NETO1: variants seen among roughly 807,000 people sequenced by gnomAD.
NETO1 encodes the protein neuropilin and tolloid like 1.
NETO1 carries 26 observed loss-of-function variants against 61.3 expected under a neutral mutation model. That is an observed-to-expected ratio of 0.42 (90% CI 0.31 to 0.59). The LOEUF (loss-of-function observed/expected upper bound fraction) is 0.59. Among genes scored for constraint, NETO1 ranks in the 20% least tolerant of loss-of-function variants. NETO1 has a pLI of 0.12. For synonymous variants in NETO1, 225 were observed against 225.8 expected (o/e 1.00, Z 0.03); for missense variants, 531 against 662.8 (o/e 0.80, Z 2.18).
intron 4 of NETO1, among the ~76,000 whole-genome samples, chr18:72,850,730 T>G (rs1302353426): frequency 2.0e-5 from 3 of 152,210 alleles, no homozygotes; most frequent in African/African-American, 7.2e-5. Flanking sequence ...ATTTATTTGT[T>G]TTGTTTTTGT....
chr18:72,832,361 T>C (rs1359460607), intron 4 of NETO1, among the ~76,000 whole-genome samples: 3 of 152,162 alleles, frequency 2.0e-5, no homozygotes, highest in Non-Finnish European at 4.4e-5. Context: ...AGGTCTGAAA[T>C]TAGAGAAAGG....
rs1271140364 is a variant in NETO1, at chr18:72,814,678, A to G, written c.470-20274T>C. Among the ~76,000 whole-genome samples, 7 of 152,224 alleles carry G rather than the reference A, an allele frequency of 4.6e-5. No individual in the cohort carries two copies. In the East Asian group the frequency reaches 1.3e-3, roughly 29 times the overall value. On this transcript the variant is annotated intron_variant, in intron 4 of 10. Coordinates refer to ENST00000327305, the MANE Select transcript of NETO1 (RefSeq NM_138966.5). Reference sequence around the variant, plus strand: ...TGTTTAAAATGTTAGGAAAAGAATTATGCAAATTCAAAACCAAAGAGATCT... The same window carrying G: ...TGTTTAAAATGTTAGGAAAAGAATTGTGCAAATTCAAAACCAAAGAGATCT...
chr18:72,867,200 C>T (rs2074766580), intron 1 of NETO1, 64 bp downstream of exon 1: 6 of 1,303,772 alleles, frequency 4.6e-6, no homozygotes, highest in Non-Finnish European at 6.3e-6. Context: ...GCGCGTTCGG[C>T]CCCGGGAAAG....
intron 3 of NETO1, among the ~76,000 whole-genome samples, chr18:72,860,574 C>G (rs1056820084): frequency 2.0e-5 from 3 of 152,148 alleles, no homozygotes; most frequent in Non-Finnish European, 4.4e-5. Flanking sequence ...TATGAATAAT[C>G]TTTAATTTCT....
At position 72,830,280 on chromosome 18, in the gene NETO1, A is replaced by C. The variant is rs957479256; in HGVS notation, c.469+28546T>G. On this transcript the variant is annotated intron_variant, in intron 4 of 10. Transcript: ENST00000327305. The surrounding 1 kb of genome is among the most constrained non-coding windows in gnomAD (Gnocchi z 4.9). The stretch of plus-strand genomic sequence containing the variant: ...GGCTTGCGAGAGTAGGCATGGTGCT[A>C]ACAAAATTGGCAAAGGCTGTTGAGG... Among the ~76,000 whole-genome samples the C allele has an allele frequency of 6.6e-6, 1 of 152,094 alleles. No individual in the cohort carries two copies. The highest frequency in any genetic ancestry group is 2.4e-5 in the African/African-American group (1 of 41,416).
intron 3 of NETO1, among the ~76,000 whole-genome samples, chr18:72,862,039 T>G (rs2074588066): frequency 6.6e-6 from 1 of 152,180 alleles, no homozygotes. Flanking sequence ...CCTGCCTAAC[T>G]CTCTGGCTTC....
intron 4 of NETO1, among the ~76,000 whole-genome samples, chr18:72,825,560 T>C (rs2073347988): frequency 6.6e-6 from 1 of 152,136 alleles, no homozygotes; most frequent in Non-Finnish European, 1.5e-5. Flanking sequence ...ATCTTTATAT[T>C]CTTTATAAAT....
rs148767215 is a variant in NETO1, at chr18:72,797,558, G to A, written c.470-3154C>T. Among the ~76,000 whole-genome samples the A allele has an allele frequency of 3.3e-3, 508 of 152,278 alleles. 6 individuals are homozygous for A. The highest frequency in any genetic ancestry group is 0.028 in the Admixed American group (422 of 15,296). On this transcript the variant is annotated intron_variant, in intron 4 of 10. Coordinates refer to ENST00000327305, the MANE Select transcript of NETO1 (RefSeq NM_138966.5). The stretch of plus-strand genomic sequence containing the variant: ...GACATGAATTATTAGGCAGACACAC[G>A]ATAACGTTGGACTTGGTAACTAGTC...
In NETO1 at chr18:72,835,216, G is replaced by A. The variant is rs114870720; in HGVS notation, c.469+23610C>T. On this transcript the variant is annotated intron_variant, in intron 4 of 10. Coordinates refer to ENST00000327305, the MANE Select transcript of NETO1 (RefSeq NM_138966.5). ...ATCAGCATGTGTGCTTCAAGATGGTGTTAGATCAACGTTCTGGGCACCACA... is the reference window on the plus strand; with the variant it reads ...ATCAGCATGTGTGCTTCAAGATGGTATTAGATCAACGTTCTGGGCACCACA... The A allele has an allele frequency of 5.9e-4, 857 of 1,447,656 alleles. 5 individuals are homozygous for A. In the African/African-American group the frequency reaches 0.011, roughly 19 times the overall value. The allele number at this position is 1,447,656 out of a possible 1,614,324, so 89.7% of individuals were successfully genotyped here.
chr18:72,812,782 T>C (rs1261926911), intron 4 of NETO1, among the ~76,000 whole-genome samples: 1 of 152,164 alleles, frequency 6.6e-6, no homozygotes, highest in Non-Finnish European at 1.5e-5. Context: ...CTTGAAGTTC[T>C]AGATACATTT....
intron 4 of NETO1, among the ~76,000 whole-genome samples, chr18:72,800,875 G>A (rs368350132): frequency 1.3e-5 from 2 of 152,112 alleles, no homozygotes; most frequent in East Asian, 3.8e-4. Context: ...ATAATTGCAA[G>A]GCTTATACTT....
chr18:72,802,090 G>A (rs902022354), intron 4 of NETO1, among the ~76,000 whole-genome samples: 3 of 150,918 alleles, frequency 2.0e-5, no homozygotes, highest in African/African-American at 7.3e-5. Flanking sequence ...ATAGGACTTA[G>A]AAAAATAGGC....
At chr18:72,814,831 C>A (rs1016756244) in intron 4 of NETO1, among the ~76,000 whole-genome samples, 47 of 151,846 alleles carry the variant, frequency 3.1e-4, no homozygotes, top group African/African-American at 1.1e-3. Flanking sequence ...TGTATATATA[C>A]CTAATAACAT....
Position 72,750,574 on chromosome 18 carries a change from C to A in NETO1, c.1029G>T (p.Gly343=). The A allele has an allele frequency of 6.2e-7, 1 of 1,611,812 alleles. No homozygotes were observed. The highest frequency in any genetic ancestry group is 8.5e-7 in the Non-Finnish European group (1 of 1,179,856). Residue 343 remains glycine (G), a synonymous_variant, in exon 9 of 11, where the codon GGG becomes GGT. Transcript: ENST00000327305. ...TGCAGGAAGTCACGCCAATGACAGTCCCACTGGTGTTGGTCAGCTGGTCCA... is the reference window on the plus strand; with the variant it reads ...TGCAGGAAGTCACGCCAATGACAGTACCACTGGTGTTGGTCAGCTGGTCCA... ...SLLDQLTNTS[G]TVIGVTSCIV...
chr18:72,792,743 G>A (rs1219399179), intron 6 of NETO1, among the ~76,000 whole-genome samples: 1 of 151,922 alleles, frequency 6.6e-6, no homozygotes, highest in Non-Finnish European at 1.5e-5. Context: ...CTTCAGAGAG[G>A]CCTGAGGAAC....
In NETO1 at chr18:72,830,806, C is replaced by T. The variant is rs1337410518; in HGVS notation, c.469+28020G>A. Among the ~76,000 whole-genome samples the T allele has an allele frequency of 1.3e-5, 2 of 152,162 alleles. No individual in the cohort carries two copies. The highest frequency in any genetic ancestry group is 2.9e-5 in the Non-Finnish European group (2 of 68,040). ...TCCTTCCATCACAAGATTCCTTTCA[C>T]AGAAAAGGTTTCCGAAAGATTATGC... On this transcript the variant is annotated intron_variant, in intron 4 of 10. Transcript: ENST00000327305. The surrounding 1 kb of genome is among the most constrained non-coding windows in gnomAD (Gnocchi z 4.9).
At chr18:72,773,703 G>T (rs1193970901) in intron 7 of NETO1, among the ~76,000 whole-genome samples, 1 of 152,046 alleles carries the variant, frequency 6.6e-6, no homozygotes, top group Non-Finnish European at 1.5e-5. Flanking sequence ...GTGAAGAGGT[G>T]CCTTCCGCCA....
At chr18:72,865,429 C>T (rs2074705856) in intron 1 of NETO1, 188 bp from the exon 2 acceptor site, 6 of 1,154,254 alleles carry the variant, frequency 5.2e-6, no homozygotes, top group Non-Finnish European at 7.4e-6. Flanking sequence ...TTGGGACTCC[C>T]TTAAGGAACT....
chr18:72,829,537 T>G (rs1469516541), intron 4 of NETO1, among the ~76,000 whole-genome samples: 2 of 152,190 alleles, frequency 1.3e-5, no homozygotes, highest in African/African-American at 4.8e-5. Context: ...CTGAACACTA[T>G]GAAATTTAAA....
Sources: allele counts gnomAD v4.1 joint callset (sites outside exome capture counted in the v4.1 genomes callset), GRCh38; gene constraint gnomAD v4.1.1; non-coding constraint Gnocchi (gnomAD v3.1); transcripts MANE v1.5; gene names NCBI Gene and HGNC (gene_info 2026-07-23, HGNC 2026-07-21).